PRKAR2A: variants seen among roughly 807,000 people sequenced by gnomAD.
The protein encoded by PRKAR2A is protein kinase cAMP-dependent type II regulatory subunit alpha.
Under a neutral mutation model 51.9 loss-of-function variants are expected in PRKAR2A, and 29 were observed. The ratio of observed to expected loss-of-function variants is 0.56; its 90% CI spans 0.42 to 0.76. The LOEUF (loss-of-function observed/expected upper bound fraction) is 0.76. PRKAR2A is among the 30% of genes least tolerant of loss of function. PRKAR2A has a pLI of 0.00. For synonymous variants in PRKAR2A, 178 were observed against 186.2 expected, an observed-to-expected ratio of 0.96 and a Z score of 0.36; for missense variants, 445 against 512.1, an observed-to-expected ratio of 0.87 and a Z score of 1.26.
intron 4 of PRKAR2A, among the ~76,000 whole-genome samples, chr3:48,788,451 G>A (rs946358390): frequency 5.3e-5 from 8 of 152,160 alleles, no homozygotes; most frequent in African/African-American, 1.9e-4. Context: ...GATTACAGGC[G>A]TGAGCCCCCA....
chr3:48,800,212 T>C (rs1324748483), intron 2 of PRKAR2A, among the ~76,000 whole-genome samples: 1 of 151,384 alleles, frequency 6.6e-6, no homozygotes, highest in Non-Finnish European at 1.5e-5. Context: ...AACTCAAAGA[T>C]AATTAATACT....
At chr3:48,781,595 C>T (rs2082197914) in intron 5 of PRKAR2A, among the ~76,000 whole-genome samples, 1 of 152,108 alleles carries the variant, frequency 6.6e-6, no homozygotes, top group South Asian at 2.1e-4. Flanking sequence ...TTGCTGCAGC[C>T]TCTGCCTCCC....
intron 5 of PRKAR2A, among the ~76,000 whole-genome samples, chr3:48,782,009 ACTATTTTTGTTT>A (rs2082205194): frequency 6.6e-6 from 1 of 152,198 alleles, no homozygotes; most frequent in Non-Finnish European, 1.5e-5. Flanking sequence ...AGATAAAAAA[ACTATTTTTGTTT>A]CCTTTTTATT....
chr3:48,836,015 G>C (rs1038505710), intron 1 of PRKAR2A, among the ~76,000 whole-genome samples: 1 of 152,000 alleles, frequency 6.6e-6, no homozygotes, highest in Admixed American at 6.6e-5. Flanking sequence ...CCATGTTACT[G>C]AGTCCATGCA....
At chr3:48,788,206 T>C (rs748039550) in intron 4 of PRKAR2A, among the ~76,000 whole-genome samples, 1 of 152,098 alleles carries the variant, frequency 6.6e-6, no homozygotes, top group Admixed American at 6.6e-5. Flanking sequence ...AATTTTTGTA[T>C]TTTTAGTAGA....
chr3:48,825,425 G>A (rs2107418733), intron 1 of PRKAR2A, among the ~76,000 whole-genome samples: 1 of 152,274 alleles, frequency 6.6e-6, no homozygotes, highest in Non-Finnish European at 1.5e-5. Flanking sequence ...TAAGGAGTAG[G>A]GATGGAGACT....
At chr3:48,835,536 G>C (rs2083268685) in intron 1 of PRKAR2A, among the ~76,000 whole-genome samples, 1 of 151,578 alleles carries the variant, frequency 6.6e-6, no homozygotes, top group Admixed American at 6.6e-5. Context: ...AGCTACTCGG[G>C]AGGCTGGGGC....
intron 1 of PRKAR2A, among the ~76,000 whole-genome samples, chr3:48,831,553 G>T (rs2083188703): frequency 6.6e-6 from 1 of 151,948 alleles, no homozygotes; most frequent in Non-Finnish European, 1.5e-5. Flanking sequence ...TGTAGAGATG[G>T]GGTCTTGCTA....
intron 2 of PRKAR2A, among the ~76,000 whole-genome samples, chr3:48,803,976 TA>T (rs542041785): frequency 1.4e-4 from 21 of 150,592 alleles, no homozygotes; most frequent in African/African-American, 4.4e-4. Context: ...AAAAATTTAT[TA>T]AAAAAAAAGC....
Position 48,751,245 on chromosome 3 carries a change from A to G in PRKAR2A, c.*340T>C. The G allele has an allele frequency of 2.1e-6, 1 of 479,618 alleles. No homozygotes were observed. The highest frequency in any genetic ancestry group is 1.6e-5 in the South Asian group (1 of 64,184). 29.7% of individuals were successfully genotyped at this position (479,618 alleles called of 1,614,324 possible). A position where few individuals can be genotyped will look rare whatever the true frequency, so the allele number is the denominator to read the frequency against. Reference sequence around the variant, plus strand: ...ACTTCCAAAAGCAAGAGTAGCAGCAAGAGAGGAAAGGAGCATGTTTATACT... The same window carrying G: ...ACTTCCAAAAGCAAGAGTAGCAGCAGGAGAGGAAAGGAGCATGTTTATACT... On this transcript the variant is annotated 3_prime_UTR_variant, in exon 11 of 11. Transcript: ENST00000265563.
chr3:48,775,295 TG>T (rs565787804), intron 5 of PRKAR2A, among the ~76,000 whole-genome samples: 17 of 151,526 alleles, frequency 1.1e-4, no homozygotes, highest in South Asian at 8.3e-4. Context: ...AAAAATTAGC[TG>T]GGCGGGTAGC....
Position 48,752,276 on chromosome 3 carries a change from A to G in PRKAR2A, c.981T>C (p.Ile327=), listed in dbSNP as rs1575831555. ...AGTACTGCCCCTTATGGCAGCGGGC[A>G]ATCTCGACCTCCTGGTTCCCACCAT... ...NKDGGNQEVE[I]ARCHKGQYFG... is the part of the protein sequence containing the mutation. Residue 327 remains isoleucine (I), a synonymous_variant, in exon 10 of 11, where the codon ATT becomes ATC. Transcript: ENST00000265563. The G allele has an allele frequency of 6.2e-7, 1 of 1,614,154 alleles. No individual in the cohort carries two copies. The highest frequency in any genetic ancestry group is 8.5e-7 in the Non-Finnish European group (1 of 1,180,034).
intron 1 of PRKAR2A, among the ~76,000 whole-genome samples, chr3:48,829,937 C>T (rs1335312887): frequency 6.9e-6 from 1 of 143,980 alleles, no homozygotes; most frequent in Non-Finnish European, 1.5e-5. Flanking sequence ...GTGGCTCACG[C>T]CTATAATCCC....
At chr3:48,783,113 G>GA (rs2082230716) in intron 4 of PRKAR2A, 21 bp from the exon 5 acceptor site, 4 of 1,499,696 alleles carry the variant, frequency 2.7e-6, no homozygotes, top group Non-Finnish European at 3.7e-6. Context: ...TGCACAAGAA[G>GA]AAAAAAATAG....
chr3:48,822,026 C>T (rs1408895253), intron 1 of PRKAR2A, among the ~76,000 whole-genome samples: 1 of 151,882 alleles, frequency 6.6e-6, no homozygotes, highest in Non-Finnish European at 1.5e-5. Context: ...CAGTTCGAGA[C>T]CAGCCTGGCC....
At chr3:48,807,834 T>C (rs1355707016) in intron 1 of PRKAR2A, 150 bp from the exon 2 acceptor site, 13 of 612,936 alleles carry the variant, frequency 2.1e-5, no homozygotes, top group Non-Finnish European at 3.3e-5. Flanking sequence ...CAATCACAAA[T>C]AGTTGTTCAA....
At chr3:48,770,933 A>G (rs954664280) in intron 6 of PRKAR2A, among the ~76,000 whole-genome samples, 5 of 152,218 alleles carry the variant, frequency 3.3e-5, no homozygotes, top group Non-Finnish European at 7.3e-5. Context: ...TTATCCAAGA[A>G]TGGGTTATTT....
chr3:48,823,011 A>C (rs1480374530), intron 1 of PRKAR2A, among the ~76,000 whole-genome samples: 1 of 152,162 alleles, frequency 6.6e-6, no homozygotes, highest in African/African-American at 2.4e-5. Flanking sequence ...CTAAAGCATA[A>C]AGCAAACGTA....
intron 4 of PRKAR2A, among the ~76,000 whole-genome samples, chr3:48,786,769 A>G (rs2082301069): frequency 6.6e-6 from 1 of 152,190 alleles, no homozygotes; most frequent in Non-Finnish European, 1.5e-5. Context: ...CGCTAACAGA[A>G]AAATGGATAA....
Sources: gnomAD v4.1 joint callset for allele counts (sites outside exome capture counted in the v4.1 genomes callset) on GRCh38, gnomAD v4.1.1 for gene constraint, MANE v1.5 for transcripts, NCBI Gene and HGNC (gene_info 2026-07-23, HGNC 2026-07-21) for gene names.